TTLL4: variants seen among roughly 807,000 people sequenced by gnomAD.
TTLL4 encodes the protein tubulin monoglutamylase TTLL4.
A neutral mutation model predicts 122.7 loss-of-function variants in TTLL4; 85 were observed. The observed-to-expected ratio is 0.69, with a 90% confidence interval of 0.58 to 0.83. The LOEUF is 0.83. Among genes scored for constraint, TTLL4 ranks in the 40% least tolerant of loss-of-function variants. TTLL4 has a pLI of 0.00. For synonymous variants in TTLL4, 553 were observed against 563.0 expected, an observed-to-expected ratio of 0.98 and a Z score of 0.25; for missense variants, 1,363 against 1,488.6, an observed-to-expected ratio of 0.92 and a Z score of 1.39.
intron 1 of TTLL4, among the ~76,000 whole-genome samples, chr2:218,723,263 C>T (rs1942097048): frequency 6.6e-6 from 1 of 152,192 alleles, no homozygotes; most frequent in South Asian, 2.1e-4. Context: ...TTATCTCAGC[C>T]TCTAGGTTCC....
intron 5 of TTLL4, among the ~76,000 whole-genome samples, chr2:218,742,452 T>G (rs1942728300): frequency 6.6e-6 from 1 of 152,210 alleles, no homozygotes; most frequent in African/African-American, 2.4e-5. Flanking sequence ...ACAGCAGTAC[T>G]TTCATTGCAT....
At position 218,712,961 on chromosome 2, in the gene TTLL4, G is replaced by A. The variant is rs73990921; in HGVS notation, c.-178+1924G>A. Among the ~76,000 whole-genome samples the A allele has an allele frequency of 5.9e-3, 893 of 152,324 alleles. 11 individuals are homozygous for A. Among genetic ancestry groups the A allele is most frequent in the African/African-American group, 0.021 (862 of 41,578 alleles). On this transcript the variant is annotated intron_variant, in intron 1 of 19. Coordinates refer to ENST00000392102, the MANE Select transcript of TTLL4 (RefSeq NM_014640.5). ...AAGATATTCTGAAAAGAACACAACAGTTAAATGTAACGGGAATGTCTTTTG... is the reference window on the plus strand; with the variant it reads ...AAGATATTCTGAAAAGAACACAACAATTAAATGTAACGGGAATGTCTTTTG...
intron 5 of TTLL4, among the ~76,000 whole-genome samples, chr2:218,744,835 A>G (rs755237895): frequency 1.9e-4 from 29 of 152,260 alleles, no homozygotes; most frequent in Non-Finnish European, 3.2e-4. Context: ...TTCCCAGCCA[A>G]TGTCTTGTCA....
chr2:218,747,330 A>G lies in TTLL4; in HGVS notation c.2207A>G (p.Lys736Arg). The G allele has an allele frequency of 2.5e-6, 4 of 1,614,172 alleles. No individual in the cohort carries two copies. The highest frequency in any genetic ancestry group is 3.4e-6 in the Non-Finnish European group (4 of 1,180,032). The change falls in exon 10 of 20, where the codon AAG (lysine) becomes AGG (arginine). Residue 736 changes from lysine (K) to arginine (R), a missense_variant. Around this residue, in one of 3 missense-constraint regions of TTLL4, gnomAD observed 596 missense variants for 655.8 expected, o/e 0.91. Transcript: ENST00000392102. The surrounding 1 kb of genome is among the most constrained non-coding windows in gnomAD (Gnocchi z 4.7). Reference sequence around the variant, plus strand: ...GGCATTGGCATCCAGGTTATTCACAAGTGGAGTCAGCTCCCCAAGCGAAGG... The same window carrying G: ...GGCATTGGCATCCAGGTTATTCACAGGTGGAGTCAGCTCCCCAAGCGAAGG... Reference protein sequence around the residue: ...ARGIGIQVIHKWSQLPKRRPL... With the variant: ...ARGIGIQVIHRWSQLPKRRPL...
intron 5 of TTLL4, 74 bp from the exon 6 acceptor site, chr2:218,745,035 G>A (rs1008108058): frequency 4.5e-6 from 7 of 1,558,080 alleles, no homozygotes; most frequent in African/African-American, 4.1e-5. Context: ...GAAATAAATC[G>A]TACGTCGTAG....
intron 2 of TTLL4, among the ~76,000 whole-genome samples, chr2:218,732,353 TC>T (rs1942404954): frequency 6.6e-6 from 1 of 152,166 alleles, no homozygotes; most frequent in African/African-American, 2.4e-5. Context: ...CTAAAATACT[TC>T]CTGGGAGATG....
At chr2:218,727,141 C>T (rs1942222023) in intron 1 of TTLL4, 128 bp from the exon 2 acceptor site, 1 of 152,242 alleles carries the variant, frequency 6.6e-6, no homozygotes, top group African/African-American at 2.4e-5. Flanking sequence ...ACCCCTGTAG[C>T]TTGTTTAGCT....
At position 218,748,232 on chromosome 2, in the gene TTLL4, T is replaced by C; in HGVS notation, c.2501+5T>C. On this transcript the variant is annotated splice_donor_5th_base_variant and intron_variant, in intron 12 of 19. Coordinates refer to ENST00000392102, the MANE Select transcript of TTLL4 (RefSeq NM_014640.5). Reference sequence around the variant, plus strand: ...GGCTTGCCAGGGCCACAAATGGTACTGAGGGCAGAGTGTCCCAGTCCAGTG... The same window carrying C: ...GGCTTGCCAGGGCCACAAATGGTACCGAGGGCAGAGTGTCCCAGTCCAGTG... 1 of 1,614,090 alleles carries C rather than the reference T, an allele frequency of 6.2e-7. No homozygotes were observed. Among genetic ancestry groups the C allele is most frequent in the Non-Finnish European group, 8.5e-7 (1 of 1,179,992 alleles).
chr2:218,723,923 T>C (rs1482854727), intron 1 of TTLL4, among the ~76,000 whole-genome samples: 1 of 152,244 alleles, frequency 6.6e-6, no homozygotes, highest in Non-Finnish European at 1.5e-5. Context: ...AAGATCTGTG[T>C]ATTAGATAAT....
intron 1 of TTLL4, among the ~76,000 whole-genome samples, chr2:218,716,301 T>C (rs1314341204): frequency 6.6e-6 from 1 of 152,238 alleles, no homozygotes; most frequent in African/African-American, 2.4e-5. Context: ...CTATTACTTA[T>C]GTGTCATTCA....
intron 1 of TTLL4, among the ~76,000 whole-genome samples, chr2:218,717,867 C>T (rs1405655238): frequency 6.6e-6 from 1 of 151,570 alleles, no homozygotes; most frequent in Non-Finnish European, 1.5e-5. Context: ...GGCACAGTCT[C>T]GGCTCACTGC....
intron 1 of TTLL4, among the ~76,000 whole-genome samples, chr2:218,715,597 GA>G (rs1228060835): frequency 6.6e-6 from 1 of 152,080 alleles, no homozygotes; most frequent in East Asian, 1.9e-4. Flanking sequence ...TTGAAGCATA[GA>G]AAAGGCTACT....
chr2:218,746,836 G>A, intron 8 of TTLL4, 167 bp from the exon 9 acceptor site: 1 of 657,208 alleles, frequency 1.5e-6, no homozygotes, highest in South Asian at 2.0e-5. Flanking sequence ...ATCTTTTGGT[G>A]AGTGCTCTGC....
At chr2:218,748,379 A>T in intron 12 of TTLL4, 152 bp downstream of exon 12, 1 of 1,256,356 alleles carries the variant, frequency 8.0e-7, no homozygotes, top group Non-Finnish European at 1.1e-6. Context: ...TTGAGGCCGG[A>T]TGTGGTGGCT....
intron 15 of TTLL4, among the ~76,000 whole-genome samples, chr2:218,750,867 A>ATT (rs61482073): frequency 6.7e-6 from 1 of 148,992 alleles, no homozygotes; most frequent in Admixed American, 6.7e-5. Flanking sequence ...CAGTATGGCC[A>ATT]TTTTTTTTTT....
Position 218,752,916 on chromosome 2 carries a change from T to C in TTLL4, c.3130T>C (p.Tyr1044His), listed in dbSNP as rs780599882. The C allele has an allele frequency of 1.2e-6, 2 of 1,614,188 alleles. No individual in the cohort carries two copies. The highest frequency in any genetic ancestry group is 1.1e-5 in the South Asian group (1 of 91,086). The change falls in exon 17 of 20, where the codon TAT becomes CAT. Residue 1044 changes from tyrosine to histidine, a missense_variant. Physicochemically the swap from Tyr to His is moderately conservative, Grantham distance 83. This residue lies in a region of TTLL4 where 596 missense variants were observed against 655.8 expected (regional missense o/e 0.91). Transcript: ENST00000392102. ...TCTCCGCTTTTTTGAGCAGCCACGA[T>C]ATTTCAACATTCTCACCACCCAATG... ...RYLRFFEQPRYFNILTTQWEQ... is the reference protein window; with the variant it reads ...RYLRFFEQPRHFNILTTQWEQ...
chr2:218,756,764 G>A (rs986891735), downstream of TTLL4, among the ~76,000 whole-genome samples: 2 of 152,190 alleles, frequency 1.3e-5, no homozygotes, highest in African/African-American at 2.4e-5. Context: ...TTTGGAGGAA[G>A]GGAGGCGAGT....
chr2:218,754,020 G>T, intron 19 of TTLL4, 114 bp from the exon 20 acceptor site: 1 of 1,405,388 alleles, frequency 7.1e-7, no homozygotes, highest in Non-Finnish European at 9.7e-7. Context: ...ATGTAATTTT[G>T]GCCTACAACA....
intron 2 of TTLL4, among the ~76,000 whole-genome samples, chr2:218,729,735 TTC>T (rs1392928210): frequency 6.9e-6 from 1 of 143,998 alleles, no homozygotes; most frequent in African/African-American, 2.7e-5. Context: ...GGATTTTCTT[TTC>T]TCTCTCTTTT....
Sources: allele counts gnomAD v4.1 joint callset (sites outside exome capture counted in the v4.1 genomes callset), GRCh38; gene constraint gnomAD v4.1.1; regional missense constraint gnomAD v4.1.1; non-coding constraint Gnocchi (gnomAD v3.1); transcripts MANE v1.5; gene names NCBI Gene and HGNC (gene_info 2026-07-23, HGNC 2026-07-21).